Variants in GRXCR1 observed in about 807,000 individuals in gnomAD.
GRXCR1 encodes glutaredoxin and cysteine rich domain containing 1.
Under a neutral mutation model 27.3 loss-of-function variants are expected in GRXCR1, and 27 were observed. The observed-to-expected ratio is 0.99, with a 90% CI of 0.73 to 1.37. The LOEUF is 1.37. Among genes scored for constraint, GRXCR1 ranks in the 40% most tolerant of loss-of-function variants. GRXCR1 has a pLI of 0.00. For synonymous variants in GRXCR1, 122 were observed against 131.1 expected (o/e 0.93, Z 0.47); for missense variants, 379 against 354.4 (o/e 1.07, Z -0.56).
intron 2 of GRXCR1, among the ~76,000 whole-genome samples, chr4:42,980,071 G>C (rs1395243540): frequency 6.6e-6 from 1 of 151,462 alleles, no homozygotes; most frequent in Admixed American, 6.6e-5. Flanking sequence ...TCTAGCTAAA[G>C]GTTTGTTGAT....
At chr4:43,002,255 G>A (rs1712394529) in intron 2 of GRXCR1, among the ~76,000 whole-genome samples, 1 of 152,282 alleles carries the variant, frequency 6.6e-6, no homozygotes, top group Non-Finnish European at 1.5e-5. Context: ...CTCATCCCAC[G>A]AGGCCATATT....
At chr4:42,895,005 A>G (rs1043427347) in intron 1 of GRXCR1, among the ~76,000 whole-genome samples, 1 of 152,170 alleles carries the variant, frequency 6.6e-6, no homozygotes, top group Non-Finnish European at 1.5e-5. Context: ...GTTGTTTACA[A>G]AACTAAAAGT....
At chr4:42,918,664 T>C (rs1746939865) in intron 1 of GRXCR1, among the ~76,000 whole-genome samples, 1 of 152,112 alleles carries the variant, frequency 6.6e-6, no homozygotes, top group Non-Finnish European at 1.5e-5. Flanking sequence ...TGACCATCTC[T>C]CTTTTGACAC....
chr4:42,990,994 A>G (rs1346422437), intron 2 of GRXCR1, among the ~76,000 whole-genome samples: 1 of 152,098 alleles, frequency 6.6e-6, no homozygotes, highest in African/African-American at 2.4e-5. Flanking sequence ...TTGTCTTCAT[A>G]TATTTAAATA....
intron 2 of GRXCR1, among the ~76,000 whole-genome samples, chr4:43,011,255 C>T (rs2109802641): frequency 6.6e-6 from 1 of 152,294 alleles, no homozygotes; most frequent in South Asian, 2.1e-4. Context: ...CTCCTTTTCC[C>T]TGGCCTACCT....
intron 2 of GRXCR1, among the ~76,000 whole-genome samples, chr4:43,015,005 A>T (rs912260049): frequency 6.6e-6 from 1 of 152,190 alleles, no homozygotes; most frequent in Non-Finnish European, 1.5e-5. Flanking sequence ...TTTATTGAGC[A>T]GGTGACATTT....
intron 2 of GRXCR1, among the ~76,000 whole-genome samples, chr4:42,963,667 A>G (rs1169757721): frequency 6.6e-6 from 1 of 151,968 alleles, no homozygotes; most frequent in Non-Finnish European, 1.5e-5. Flanking sequence ...TACGGTAAGC[A>G]GAGAGAACTC....
chr4:42,965,044 T>C (rs567542046), intron 2 of GRXCR1, among the ~76,000 whole-genome samples: 1 of 152,206 alleles, frequency 6.6e-6, no homozygotes, highest in East Asian at 1.9e-4. Context: ...GGTATAAAGT[T>C]GGCTGTTCTT....
intron 1 of GRXCR1, among the ~76,000 whole-genome samples, chr4:42,958,026 C>G (rs1748046640): frequency 6.6e-6 from 1 of 151,892 alleles, no homozygotes; most frequent in Non-Finnish European, 1.5e-5. Context: ...TTATTCCAGC[C>G]TTTGCAGCAT....
intron 1 of GRXCR1, among the ~76,000 whole-genome samples, chr4:42,902,590 A>G (rs1746485861): frequency 6.6e-6 from 1 of 152,176 alleles, no homozygotes; most frequent in Admixed American, 6.5e-5. Context: ...CAATGAACAT[A>G]CGTGTGCATG....
At chr4:42,980,767 A>G (rs1384012058) in intron 2 of GRXCR1, among the ~76,000 whole-genome samples, 3 of 152,032 alleles carry the variant, frequency 2.0e-5, no homozygotes, top group African/African-American at 7.2e-5. Context: ...TGACATCTAT[A>G]TCTCCCTTCA....
intron 2 of GRXCR1, among the ~76,000 whole-genome samples, chr4:43,019,422 C>A (rs1713032073): frequency 6.6e-6 from 1 of 152,210 alleles, no homozygotes; most frequent in African/African-American, 2.4e-5. Flanking sequence ...GATTATATTT[C>A]TCCCTGTCTT....
chr4:42,951,482 G>T (rs575864922), intron 1 of GRXCR1, among the ~76,000 whole-genome samples: 45 of 152,262 alleles, frequency 3.0e-4, no homozygotes, highest in Non-Finnish European at 5.9e-4. Context: ...CTAAAGAAAA[G>T]TTTGACTCAA....
chr4:42,998,679 C>T (rs1371016951), intron 2 of GRXCR1, among the ~76,000 whole-genome samples: 1 of 152,182 alleles, frequency 6.6e-6, no homozygotes, highest in African/African-American at 2.4e-5. Flanking sequence ...GACAGGACAT[C>T]ATCTGTCCCA....
intron 1 of GRXCR1, among the ~76,000 whole-genome samples, chr4:42,920,447 A>G (rs747619538): frequency 1.3e-5 from 2 of 152,158 alleles, no homozygotes; most frequent in Non-Finnish European, 2.9e-5. Flanking sequence ...AGTATGAAAT[A>G]ACGATATATA....
At chr4:42,927,020 C>T (rs1747171608) in intron 1 of GRXCR1, among the ~76,000 whole-genome samples, 1 of 151,972 alleles carries the variant, frequency 6.6e-6, no homozygotes, top group Admixed American at 6.6e-5. Context: ...CTAACCATCA[C>T]CCAAATCATT....
At chr4:42,905,347 G>C (rs1043828118) in intron 1 of GRXCR1, among the ~76,000 whole-genome samples, 9 of 152,196 alleles carry the variant, frequency 5.9e-5, no homozygotes, top group Non-Finnish European at 1.3e-4. Flanking sequence ...GGTAGAGACA[G>C]AATCAATCTC....
At chr4:43,000,875 C>G (rs1712334287) in intron 2 of GRXCR1, among the ~76,000 whole-genome samples, 1 of 151,948 alleles carries the variant, frequency 6.6e-6, no homozygotes. Flanking sequence ...TAGCCGTATA[C>G]TTGGACTGTA....
chr4:43,002,148 C>CTTCCTCTATCTCAACTGCAAGAGGCT (rs1712389044), intron 2 of GRXCR1, among the ~76,000 whole-genome samples: 3 of 152,276 alleles, frequency 2.0e-5, no homozygotes, highest in Non-Finnish European at 2.9e-5. Context: ...AGACAGTGGC[C>CTTCCTCTATCTCAACTGCAAGAGGCT]TTCCTCTATC....
Sources: gnomAD v4.1 joint callset for allele counts (sites outside exome capture counted in the v4.1 genomes callset) on GRCh38, gnomAD v4.1.1 for gene constraint, MANE v1.5 for transcripts, NCBI Gene and HGNC (gene_info 2026-07-23, HGNC 2026-07-21) for gene names.